The following MRPL39 variants were observed in gnomAD, a reference collection of about 807,000 sequenced individuals.
MRPL39 encodes the protein large ribosomal subunit protein mL39.
MRPL39 carries 35 observed loss-of-function variants against 44.5 expected under a neutral mutation model. The ratio of observed to expected loss-of-function variants is 0.79; its 90% CI spans 0.60 to 1.04. The LOEUF (loss-of-function observed/expected upper bound fraction) is 1.04. Ranked by LOEUF, MRPL39 falls within the 50% of genes least tolerant of loss-of-function variation. The probability of loss-of-function intolerance (pLI) is 0.00; values close to 1 mark genes in which losing one functional copy is unlikely to be tolerated. For synonymous variants in MRPL39, 139 were observed against 136.1 expected (o/e 1.02, Z -0.15); for missense variants, 433 against 413.5 (o/e 1.05, Z -0.41).
intron 8 of MRPL39, among the ~76,000 whole-genome samples, chr21:25,591,277 C>CA (rs2123228883): frequency 6.6e-6 from 1 of 151,024 alleles, no homozygotes; most frequent in South Asian, 2.1e-4. Context: ...TCTATAAAAA[C>CA]AAAAATGTTA....
chr21:25,596,673 TA>T (rs1428394128), intron 6 of MRPL39, among the ~76,000 whole-genome samples: 2 of 21,494 alleles, frequency 9.3e-5, no homozygotes, highest in African/African-American at 1.7e-4. Flanking sequence ...CAGACTCTGT[TA>T]TTTTTTTTTT....
At chr21:25,599,777 T>A in intron 5 of MRPL39, 22 bp downstream of exon 5, 1 of 1,580,942 alleles carries the variant, frequency 6.3e-7, no homozygotes, top group Non-Finnish European at 8.7e-7. Context: ...CTAAAATTAA[T>A]ACTCCAGAAG....
chr21:25,590,913 GTAGAGA>G (rs1194676517), intron 8 of MRPL39, among the ~76,000 whole-genome samples: 1 of 152,112 alleles, frequency 6.6e-6, no homozygotes, highest in Non-Finnish European at 1.5e-5. Context: ...GGTGGTACTG[GTAGAGA>G]GCTAAACATA....
rs917435370 is a variant in MRPL39, at chr21:25,587,611, T to G, written c.969+1224A>C. 4.7e-6 allele frequency: 5 copies of G among 1,066,456 alleles called. No individual in the cohort carries two copies. The East Asian group carries it at 1.2e-4, about 26-fold the overall frequency. 66.1% of individuals were successfully genotyped at this position (1,066,456 alleles called of 1,614,324 possible). A position where few individuals can be genotyped will look rare whatever the true frequency, so the allele number is the denominator to read the frequency against. On this transcript the variant is annotated intron_variant, in intron 9 of 9. Coordinates refer to ENST00000352957, the MANE Select transcript of MRPL39 (RefSeq NM_017446.4). ...AAAGGCTTAACAGACAGAAAATAAA[T>G]GTACTGGCAAAGAAAACAATCAAAA...
In MRPL39 at chr21:25,601,838, A is replaced by G. The variant is rs148038302; in HGVS notation, c.421-371T>C. 2.0e-4 allele frequency among the ~76,000 whole-genome samples: 31 copies of G among 152,360 alleles called. No individual in the cohort carries two copies. In the East Asian group the frequency reaches 6.0e-3, roughly 29 times the overall value. ...AAATATATTAATTATGTAACTTTGT[A>G]TCATTTATAAATATGGAGAAAAACT... On this transcript the variant is annotated intron_variant, in intron 3 of 9. Coordinates refer to ENST00000352957, the MANE Select transcript of MRPL39 (RefSeq NM_017446.4).
In MRPL39 at chr21:25,593,869, G is replaced by A. The variant is rs200805060; in HGVS notation, c.767+24C>T. ...AGCTAAGCCTTACTCTAACATAGCA[G>A]CCAGTTTTTAGACTTTTACTTACCT... On this transcript the variant is annotated intron_variant, in intron 7 of 9. Coordinates refer to ENST00000352957, the MANE Select transcript of MRPL39 (RefSeq NM_017446.4). 5 of 1,599,602 alleles carry A rather than the reference G, an allele frequency of 3.1e-6. No individual in the cohort carries two copies. In the East Asian group the frequency reaches 6.7e-5, roughly 21 times the overall value.
intron 9 of MRPL39, 94 bp downstream of exon 9, chr21:25,588,741 T>G: frequency 4.2e-6 from 5 of 1,189,794 alleles, no homozygotes; most frequent in Non-Finnish European, 6.1e-6. Flanking sequence ...CCTTTCTCTT[T>G]GTTTCTTTCA....
intron 9 of MRPL39, among the ~76,000 whole-genome samples, chr21:25,588,453 A>G (rs2031072376): frequency 6.6e-6 from 1 of 152,232 alleles, no homozygotes; most frequent in African/African-American, 2.4e-5. Flanking sequence ...GTTAATGGCT[A>G]AAGGCGGCTT....
intron 6 of MRPL39, among the ~76,000 whole-genome samples, chr21:25,596,396 C>T (rs1410999587): frequency 1.3e-5 from 2 of 152,226 alleles, no homozygotes; most frequent in African/African-American, 4.8e-5. Context: ...CCGCGCCCAG[C>T]CGAGTAAAAT....
intron 8 of MRPL39, among the ~76,000 whole-genome samples, 165 bp from the exon 9 acceptor site, chr21:25,589,047 C>A (rs565036305): frequency 1.3e-5 from 2 of 152,282 alleles, no homozygotes; most frequent in East Asian, 3.9e-4. Context: ...AAAGGTGCTA[C>A]ATGGGGATAG....
At position 25,592,962 on chromosome 21, in the gene MRPL39, T is replaced by C. The variant is rs143678764; in HGVS notation, c.771A>G (p.Ile257Met). 103 of 1,586,910 alleles carry C rather than the reference T, an allele frequency of 6.5e-5. 1 individual carries two copies. The highest frequency in any genetic ancestry group is 8.3e-5 in the Non-Finnish European group (97 of 1,170,948). ...NPERIVKLHR[I>M]GDFIDVSEGP... Reference sequence around the variant, plus strand: ...CCTCACTCACATCAATGAAGTCACCTATTCTGATTGATTTAAAAATAAATA... The same window carrying C: ...CCTCACTCACATCAATGAAGTCACCCATTCTGATTGATTTAAAAATAAATA... Residue 257 changes from isoleucine to methionine, a missense_variant, in exon 8 of 10, where the codon ATA becomes ATG. Transcript: ENST00000352957.
chr21:25,588,578 A>T (rs2031075580), intron 9 of MRPL39, among the ~76,000 whole-genome samples: 1 of 152,234 alleles, frequency 6.6e-6, no homozygotes, highest in Non-Finnish European at 1.5e-5. Flanking sequence ...TTACATAGTA[A>T]TATTCTTATT....
At chr21:25,604,002 A>C (rs907189991) in intron 2 of MRPL39, 67 bp from the exon 3 acceptor site, 9 of 1,418,646 alleles carry the variant, frequency 6.3e-6, no homozygotes, top group Non-Finnish European at 8.7e-6. Flanking sequence ...TTTAAGTGCT[A>C]TATTTAGAAA....
intron 6 of MRPL39, among the ~76,000 whole-genome samples, chr21:25,594,210 T>C (rs941278601): frequency 6.6e-6 from 1 of 151,562 alleles, no homozygotes; most frequent in Non-Finnish European, 1.5e-5. Flanking sequence ...CACCTCCACT[T>C]CTCAATGTGT....
intron 9 of MRPL39, 24 bp downstream of exon 9, chr21:25,588,811 T>G (rs371098716): frequency 1.3e-6 from 2 of 1,594,834 alleles, no homozygotes; most frequent in Non-Finnish European, 1.7e-6. Flanking sequence ...AGAAGAGTAC[T>G]CAATAGCTGT....
chr21:25,585,924 T>C (rs989855567), intron 9 of MRPL39, among the ~76,000 whole-genome samples, 170 bp from the exon 10 acceptor site: 1 of 152,122 alleles, frequency 6.6e-6, no homozygotes, highest in African/African-American at 2.4e-5. Flanking sequence ...AAGTAACCAA[T>C]ATAAATTATC....
At chr21:25,607,583 C>G, upstream of MRPL39, 1 of 1,124,692 alleles carries the variant, frequency 8.9e-7, no homozygotes, top group Non-Finnish European at 1.3e-6. Flanking sequence ...ACCCAGCACT[C>G]AGACTGCTCG....
At chr21:25,607,054 C>T (rs531086780) in intron 1 of MRPL39, among the ~76,000 whole-genome samples, 1 of 152,224 alleles carries the variant, frequency 6.6e-6, no homozygotes, top group Non-Finnish European at 1.5e-5. Context: ...GTTTATATCC[C>T]AAAGGCCAAA....
rs772667796 is a variant in MRPL39, at chr21:25,607,417, C to A, written c.59G>T (p.Gly20Val). The change falls in exon 1 of 10, where the codon GGC becomes GTC. Residue 20 changes from glycine (G) to valine (V), a missense_variant. Coordinates refer to ENST00000352957, the MANE Select transcript of MRPL39 (RefSeq NM_017446.4). ...ALRLWLVAPG[G>V]GIKWRFIATS... Reference sequence around the variant, plus strand: ...CTGAAACTCACTCCATTTGATCCCGCCACCGGGTGCGACCAGCCAGAGCCG... The same window carrying A: ...CTGAAACTCACTCCATTTGATCCCGACACCGGGTGCGACCAGCCAGAGCCG... 30 of 1,613,602 alleles carry A rather than the reference C, an allele frequency of 1.9e-5. No individual in the cohort carries two copies. Among genetic ancestry groups the A allele is most frequent in the Non-Finnish European group, 2.5e-5 (30 of 1,179,992 alleles).
Sources: gnomAD v4.1 joint callset for allele counts (sites outside exome capture counted in the v4.1 genomes callset) on GRCh38, gnomAD v4.1.1 for gene constraint, MANE v1.5 for transcripts, NCBI Gene and HGNC (gene_info 2026-07-23, HGNC 2026-07-21) for gene names.